Variants in URGCP observed in about 807,000 individuals in gnomAD.
URGCP encodes the protein up-regulator of cell proliferation.
In URGCP, 13 loss-of-function variants were observed where a neutral mutation model predicts 24.6. The ratio of observed to expected loss-of-function variants is 0.53; its 90% CI spans 0.34 to 0.84. URGCP has a LOEUF of 0.84. Ranked by LOEUF, URGCP falls within the 40% of genes least tolerant of loss-of-function variation. URGCP has a pLI of 0.01. For missense variants in URGCP, 899 were observed against 1,194.3 expected, an observed-to-expected ratio of 0.75 and a Z score of 3.64; for synonymous variants, 444 against 487.2, an observed-to-expected ratio of 0.91 and a Z score of 1.17.
intron 1 of URGCP, among the ~76,000 whole-genome samples, chr7:43,925,453 C>T (rs1055819878): frequency 6.6e-6 from 1 of 152,052 alleles, no homozygotes; most frequent in African/African-American, 2.4e-5. Flanking sequence ...ACAATTCTTA[C>T]CTTTACTATG....
chr7:43,888,336 T>A (rs2132670182), intron 1 of URGCP: 1 of 152,244 alleles, frequency 6.6e-6, no homozygotes, highest in Admixed American at 6.5e-5. Context: ...ACCCTGTCTC[T>A]ACTAAAAATA....
At chr7:43,887,353 A>G in intron 3 of URGCP, 62 bp downstream of exon 3, 1 of 1,587,990 alleles carries the variant, frequency 6.3e-7, no homozygotes, top group Non-Finnish European at 8.6e-7. Context: ...CCAGAATCCC[A>G]AGGGGACAGG....
chr7:43,923,384 T>C (rs1377812523), intron 1 of URGCP, among the ~76,000 whole-genome samples: 2 of 150,134 alleles, frequency 1.3e-5, no homozygotes, highest in Non-Finnish European at 3.0e-5. Context: ...ATTCCTGGAA[T>C]CAAGCAATAA....
At chr7:43,916,721 C>CCG (rs2095915994) in intron 1 of URGCP, among the ~76,000 whole-genome samples, 1 of 133,722 alleles carries the variant, frequency 7.5e-6, no homozygotes, top group Non-Finnish European at 1.6e-5. Context: ...ACCCCCCCCC[C>CCG]CCACATAACA....
Position 43,878,067 on chromosome 7 carries a change from A to G in URGCP, c.1396T>C (p.Cys466Arg), listed in dbSNP as rs1172086745. Residue 466 changes from cysteine to arginine, a missense_variant, in exon 6 of 6, where the codon TGT becomes CGT. Transcript: ENST00000453200. This position sits in a 1 kb window ranked among gnomAD's most constrained non-coding sequence, Gnocchi z 5.6. ...RKLGLKVDED[C>R]EECQKAKDRM... ...TCTTTCGCTTTCTGACACTCCTCAC[A>G]GTCCTCGTCGACCTTTAGGCCCAGT... 4.3e-6 allele frequency: 7 copies of G among 1,614,082 alleles called. No homozygotes were observed. The highest frequency in any genetic ancestry group is 2.7e-5 in the African/African-American group (2 of 74,930).
chr7:43,902,997 A>C (rs2095894186), intron 1 of URGCP, among the ~76,000 whole-genome samples: 1 of 152,156 alleles, frequency 6.6e-6, no homozygotes, highest in Admixed American at 6.6e-5. Flanking sequence ...GTCAAAATGT[A>C]GGTAGACTGG....
Position 43,878,348 on chromosome 7 carries a change from A to G in URGCP, c.1115T>C (p.Leu372Ser), listed in dbSNP as rs371885964. The G allele has an allele frequency of 1.9e-6, 3 of 1,614,100 alleles. No homozygotes were observed. Among genetic ancestry groups the G allele is most frequent in the Non-Finnish European group, 2.5e-6 (3 of 1,180,044 alleles). Residue 372 changes from leucine to serine, a missense_variant, in exon 6 of 6, where the codon TTG becomes TCG. Leu to Ser is a moderately radical substitution (Grantham distance 145, BLOSUM62 -2). Transcript: ENST00000453200. The surrounding 1 kb of genome is among the most constrained non-coding windows in gnomAD (Gnocchi z 5.6). ...TDNISKKEYK[L>S]LYSMKESTTK... ...GGTTGACTCCTTCATGGAGTACAGCAATTTGTATTCCTTCTTACTGATATT... is the reference window on the plus strand; with the variant it reads ...GGTTGACTCCTTCATGGAGTACAGCGATTTGTATTCCTTCTTACTGATATT...
chr7:43,919,945 A>G, intron 1 of URGCP: 4 of 1,343,462 alleles, frequency 3.0e-6, no homozygotes, highest in South Asian at 2.3e-5. Context: ...ATGTTCAAGG[A>G]CAACTTTGAT....
intron 5 of URGCP, 100 bp downstream of exon 5, chr7:43,881,559 G>A: frequency 6.5e-7 from 1 of 1,533,556 alleles, no homozygotes. Flanking sequence ...TGAGTGCTCT[G>A]CCTCCCCAGG....
At chr7:43,887,199 A>C (rs1249806594) in intron 3 of URGCP, among the ~76,000 whole-genome samples, 1 of 152,248 alleles carries the variant, frequency 6.6e-6, no homozygotes, top group African/African-American at 2.4e-5. Flanking sequence ...GCCCATAAAA[A>C]AAACAAACAA....
At chr7:43,892,398 C>T (rs1298844479) in intron 1 of URGCP, among the ~76,000 whole-genome samples, 3 of 151,858 alleles carry the variant, frequency 2.0e-5, no homozygotes, top group South Asian at 2.1e-4. Context: ...GGATTACAGG[C>T]ATGAGCCACC....
chr7:43,919,546 C>T, intron 1 of URGCP: 1 of 1,392,646 alleles, frequency 7.2e-7, no homozygotes, highest in Non-Finnish European at 1.0e-6. Flanking sequence ...CAATCAGTGG[C>T]CAGCGTGAGG....
intron 1 of URGCP, among the ~76,000 whole-genome samples, chr7:43,903,721 C>T (rs1232793668): frequency 1.3e-5 from 2 of 152,104 alleles, no homozygotes; most frequent in East Asian, 3.8e-4. Context: ...ACACTACTCC[C>T]AATGCTGCAT....
chr7:43,879,334 G>C, intron 5 of URGCP, 74 bp from the exon 6 acceptor site: 1 of 1,505,094 alleles, frequency 6.6e-7, no homozygotes, highest in Non-Finnish European at 8.8e-7. Context: ...GCTGGTGAAG[G>C]AGAGCCCAGC....
chr7:43,890,900 C>T (rs1248008012), intron 1 of URGCP, among the ~76,000 whole-genome samples: 2 of 152,252 alleles, frequency 1.3e-5, no homozygotes, highest in Non-Finnish European at 2.9e-5. Context: ...TTCTGGAGGC[C>T]ATCTGTCTTG....
At position 43,883,337 on chromosome 7, in the gene URGCP, C is replaced by CATATAT. The variant is rs1215710880; in HGVS notation, c.113-1386_113-1381dup. ...ATATATATAAATATATATATATATACATATATATATATATATATATATATA... is the reference window on the plus strand; with the variant it reads ...ATATATATAAATATATATATATATACATATATATATATATATATATATATATATATA... On this transcript the variant is annotated intron_variant, in intron 3 of 5. Coordinates refer to ENST00000453200, the MANE Select transcript of URGCP (RefSeq NM_001077663.3). Among the ~76,000 whole-genome samples the CATATAT allele has an allele frequency of 5.6e-4, 59 of 105,430 alleles. 1 individual carries two copies. The highest frequency in any genetic ancestry group is 3.0e-3 in the South Asian group (9 of 2,994). The allele number at this position is 105,430 out of a possible 152,430, so 69.2% of individuals were successfully genotyped here. A position where few individuals can be genotyped will look rare whatever the true frequency, so the allele number is the denominator to read the frequency against.
chr7:43,878,620 G>A lies in URGCP; in HGVS notation c.843C>T (p.Ala281=), dbSNP rs748072445. The stretch of plus-strand genomic sequence containing the variant: ...ACTGCCTGTGGCCCGGGCTGAGGAC[G>A]GCGTTGAGAAGCTGGGACTTGGAGT... ...SSNSKSQLLN[A]VLSPGHRQWD... is the part of the protein sequence containing the mutation. Residue 281 remains alanine (A), a synonymous_variant, in exon 6 of 6, where the codon GCC becomes GCT. Coordinates refer to ENST00000453200, the MANE Select transcript of URGCP (RefSeq NM_001077663.3). This position sits in a 1 kb window ranked among gnomAD's most constrained non-coding sequence, Gnocchi z 5.6. 43 of 1,613,676 alleles carry A rather than the reference G, an allele frequency of 2.7e-5. No individual in the cohort carries two copies. The South Asian group carries it at 3.1e-4, about 12-fold the overall frequency.
In URGCP at chr7:43,878,010, C is replaced by A; in HGVS notation, c.1453G>T (p.Asp485Tyr). 1 of 1,614,282 alleles carries A rather than the reference C, an allele frequency of 6.2e-7. No individual in the cohort carries two copies. Among genetic ancestry groups the A allele is most frequent in the Non-Finnish European group, 8.5e-7 (1 of 1,180,056 alleles). ...TCGTCCCTTCTGTAGGCATCCGAGT[C>A]TTTGATTTTCCTGGTAATCCTCTCC... ...RMERITRKIK[D>Y]SDAYRRDELR... The change falls in exon 6 of 6, where the codon GAC becomes TAC. Residue 485 changes from aspartate (D) to tyrosine (Y), a missense_variant. Coordinates refer to ENST00000453200, the MANE Select transcript of URGCP (RefSeq NM_001077663.3). This position sits in a 1 kb window ranked among gnomAD's most constrained non-coding sequence, Gnocchi z 5.6.
rs755367341 is a variant in URGCP, at chr7:43,881,653, G to C, written c.202+6C>G. ...AACAGAGAGAAAAGGCAGAGAAAAT[G>C]CTTACCTGTTGGAAAATCATTGTCC... On this transcript the variant is annotated splice_donor_region_variant and intron_variant, in intron 5 of 5. Coordinates refer to ENST00000453200, the MANE Select transcript of URGCP (RefSeq NM_001077663.3). 10 of 1,614,048 alleles carry C rather than the reference G, an allele frequency of 6.2e-6. No homozygotes were observed. The highest frequency in any genetic ancestry group is 5.5e-5 in the South Asian group (5 of 91,066).
Sources: gnomAD v4.1 joint callset for allele counts (sites outside exome capture counted in the v4.1 genomes callset) on GRCh38, gnomAD v4.1.1 for gene constraint, Gnocchi (gnomAD v3.1) non-coding constraint, MANE v1.5 for transcripts, NCBI Gene and HGNC (gene_info 2026-07-23, HGNC 2026-07-21) for gene names.